PRELID3A: variants seen among roughly 807,000 people sequenced by gnomAD.
PRELID3A encodes PRELI domain containing 3A.
A neutral mutation model predicts 23.0 loss-of-function variants in PRELID3A; 27 were observed. The ratio of observed to expected loss-of-function variants is 1.17; its 90% CI spans 0.87 to 1.62. PRELID3A has a LOEUF of 1.62. Among genes scored for constraint, PRELID3A ranks in the 40% most tolerant of loss-of-function variants. PRELID3A has a pLI of 0.00. For missense variants in PRELID3A, 231 were observed against 231.4 expected (o/e 1.00, Z 0.01); for synonymous variants, 87 against 86.4 (o/e 1.01, Z -0.04).
At position 12,431,888 on chromosome 18, in the gene PRELID3A, G is replaced by C. The variant is rs1945319783; in HGVS notation, c.*772G>C. 1 of 152,340 alleles carries C rather than the reference G, an allele frequency of 6.6e-6. No homozygotes were observed. Among genetic ancestry groups the C allele is most frequent in the African/African-American group, 2.4e-5 (1 of 41,570 alleles). The allele number at this position is 152,340 out of a possible 1,614,324, so 9.4% of individuals were successfully genotyped here. A position where few individuals can be genotyped will look rare whatever the true frequency, so the allele number is the denominator to read the frequency against. On this transcript the variant is annotated 3_prime_UTR_variant, in exon 7 of 7. Coordinates refer to ENST00000440960, the MANE Select transcript of PRELID3A (RefSeq NM_001142405.2). ...GCTGCTTGCCAGCCTCACCTGCTGG[G>C]GCTGGAGGCCATGGATCCCTCATAG...
At chr18:12,425,640 A>G (rs975786950) in intron 3 of PRELID3A, among the ~76,000 whole-genome samples, 7 of 147,708 alleles carry the variant, frequency 4.7e-5, no homozygotes, top group African/African-American at 1.8e-4. Flanking sequence ...TCAAAAAAAA[A>G]AAAAAGTAGA....
At chr18:12,413,859 C>T (rs1281989760) in intron 1 of PRELID3A, among the ~76,000 whole-genome samples, 2 of 152,244 alleles carry the variant, frequency 1.3e-5, no homozygotes, top group Non-Finnish European at 2.9e-5. Flanking sequence ...GCTGGGATTA[C>T]AGGCGTGAGC....
chr18:12,424,448 G>A (rs534786272), intron 3 of PRELID3A, among the ~76,000 whole-genome samples: 1 of 152,312 alleles, frequency 6.6e-6, no homozygotes, highest in East Asian at 1.9e-4. Context: ...ATGAAACACA[G>A]TGACTTGCAT....
At chr18:12,409,276 C>T (rs1482228049) in intron 1 of PRELID3A, among the ~76,000 whole-genome samples, 1 of 144,366 alleles carries the variant, frequency 6.9e-6, no homozygotes, top group Non-Finnish European at 1.5e-5. Context: ...AAGTGATTCT[C>T]GTGCCTCAGC....
rs550989836 is a variant in PRELID3A, at chr18:12,408,910, AAAG to A, written c.32+909_32+911del. On this transcript the variant is annotated intron_variant, in intron 1 of 6. Coordinates refer to ENST00000440960, the MANE Select transcript of PRELID3A (RefSeq NM_001142405.2). Reference sequence around the variant, plus strand: ...ATACTCCATAGAATTGTGCAAATAAAAAGAAGAAAAAAGTGCCCTCCTAACCTA... The same window carrying A: ...ATACTCCATAGAATTGTGCAAATAAAAAGAAAAAAGTGCCCTCCTAACCTA... Among the ~76,000 whole-genome samples the A allele has an allele frequency of 2.0e-3, 299 of 152,308 alleles. 1 individual carries two copies. The highest frequency in any genetic ancestry group is 6.4e-3 in the African/African-American group (268 of 41,572).
chr18:12,412,041 G>A (rs1269294397), intron 1 of PRELID3A, among the ~76,000 whole-genome samples: 1 of 151,742 alleles, frequency 6.6e-6, no homozygotes, highest in Non-Finnish European at 1.5e-5. Flanking sequence ...CTCCAGAGTA[G>A]CTGGAACCAC....
At chr18:12,420,563 G>A (rs1364322029) in intron 2 of PRELID3A, 70 bp downstream of exon 2, 7 of 1,412,252 alleles carry the variant, frequency 5.0e-6, no homozygotes, top group Admixed American at 2.7e-5. Flanking sequence ...CCTCTCCCGC[G>A]TCCCTCCTCC....
chr18:12,430,810 T>C (rs1433246663), intron 6 of PRELID3A, among the ~76,000 whole-genome samples: 1 of 150,022 alleles, frequency 6.7e-6, no homozygotes, highest in Admixed American at 6.7e-5. Context: ...GATGTGTGTG[T>C]GCTATGGGAT....
At chr18:12,420,640 G>A in intron 2 of PRELID3A, 147 bp downstream of exon 2, 1 of 736,996 alleles carries the variant, frequency 1.4e-6, no homozygotes, top group Non-Finnish European at 1.9e-6. Context: ...CCTTTCCTGA[G>A]ATCAGGGGGC....
chr18:12,410,386 C>T (rs1909868057), intron 1 of PRELID3A, among the ~76,000 whole-genome samples: 1 of 152,176 alleles, frequency 6.6e-6, no homozygotes, highest in Non-Finnish European at 1.5e-5. Context: ...AAGCAAAGGG[C>T]CGTAATGAAG....
rs1388693999 is a variant in PRELID3A, at chr18:12,409,325, C to G, written c.32+1318C>G. On this transcript the variant is annotated intron_variant, in intron 1 of 6. Coordinates refer to ENST00000440960, the MANE Select transcript of PRELID3A (RefSeq NM_001142405.2). ...GGGACTACAGGTGTGGGCCATCACG[C>G]CCGGCTAATTTTTGTATTTTTAGTA... 2.6e-5 allele frequency among the ~76,000 whole-genome samples: 4 copies of G among 151,904 alleles called. No homozygotes were observed. The East Asian group carries it at 7.7e-4, about 29-fold the overall frequency.
intron 2 of PRELID3A, among the ~76,000 whole-genome samples, chr18:12,421,134 C>T (rs543636578): frequency 7.9e-5 from 12 of 152,308 alleles, no homozygotes; most frequent in Non-Finnish European, 1.0e-4. Flanking sequence ...CCTGGCCTGG[C>T]GCAGGCCTCT....
At chr18:12,411,814 A>G (rs972901305) in intron 1 of PRELID3A, among the ~76,000 whole-genome samples, 1 of 151,966 alleles carries the variant, frequency 6.6e-6, no homozygotes, top group Non-Finnish European at 1.5e-5. Context: ...AGCCGTGAGG[A>G]TCAGTTTGGT....
intron 1 of PRELID3A, among the ~76,000 whole-genome samples, chr18:12,408,592 A>G (rs960183962): frequency 6.6e-6 from 1 of 152,144 alleles, no homozygotes; most frequent in Non-Finnish European, 1.5e-5. Flanking sequence ...CGAACTGTTT[A>G]AAAATGCTCC....
chr18:12,421,784 C>G (rs117271931), intron 3 of PRELID3A, among the ~76,000 whole-genome samples, 155 bp downstream of exon 3: 5,504 of 152,174 alleles, frequency 0.036, 122 homozygotes, highest in Non-Finnish European at 0.043. Context: ...TCTTTTTATT[C>G]AAGTATAATA....
intron 6 of PRELID3A, among the ~76,000 whole-genome samples, chr18:12,429,699 C>A (rs912554235): frequency 3.9e-5 from 6 of 152,246 alleles, no homozygotes; most frequent in Admixed American, 2.6e-4. Flanking sequence ...GCCTCTCCAG[C>A]AAGCCACCCT....
chr18:12,411,700 C>T (rs1909917907), intron 1 of PRELID3A, among the ~76,000 whole-genome samples: 1 of 152,088 alleles, frequency 6.6e-6, no homozygotes, highest in Non-Finnish European at 1.5e-5. Context: ...AGCAGGCTTG[C>T]CTTACAGCTA....
intron 5 of PRELID3A, 124 bp downstream of exon 5, chr18:12,427,447 A>G: frequency 1.3e-6 from 1 of 790,244 alleles, no homozygotes; most frequent in Non-Finnish European, 2.0e-6. Flanking sequence ...CTGTAATCCT[A>G]GCACTTTGGG....
chr18:12,424,766 A>G (rs1598863113), intron 3 of PRELID3A, among the ~76,000 whole-genome samples: 1 of 152,244 alleles, frequency 6.6e-6, no homozygotes, highest in East Asian at 1.9e-4. Flanking sequence ...GGGTGAACTG[A>G]GTTAAACAAT....
Sources: allele counts gnomAD v4.1 joint callset (sites outside exome capture counted in the v4.1 genomes callset), GRCh38; gene constraint gnomAD v4.1.1; transcripts MANE v1.5; gene names NCBI Gene and HGNC (gene_info 2026-07-23, HGNC 2026-07-21).